COP1: variants seen among roughly 807,000 people sequenced by gnomAD.
The protein encoded by COP1 is E3 ubiquitin-protein ligase COP1.
Under a neutral mutation model 101.3 loss-of-function variants are expected in COP1, and 24 were observed. That is an observed-to-expected ratio of 0.24 (90% CI 0.17 to 0.33). The LOEUF is 0.33. Ranked by LOEUF, COP1 falls within the 10% of genes least tolerant of loss-of-function variation. COP1 has a pLI of 1.00. For missense variants in COP1, 663 were observed against 906.2 expected, an observed-to-expected ratio of 0.73 and a Z score of 3.45; for synonymous variants, 347 against 341.9, an observed-to-expected ratio of 1.01 and a Z score of -0.17.
At chr1:176,145,424 C>T (rs1311562813) in intron 6 of COP1, among the ~76,000 whole-genome samples, 1 of 152,050 alleles carries the variant, frequency 6.6e-6, no homozygotes, top group Non-Finnish European at 1.5e-5. Context: ...ACTAATACAA[C>T]TTGTTTTGAA....
intron 14 of COP1, among the ~76,000 whole-genome samples, chr1:176,031,708 T>G (rs577411358): frequency 6.7e-4 from 102 of 152,274 alleles, no homozygotes; most frequent in Non-Finnish European, 1.2e-3. Context: ...GGCCATAAAT[T>G]TGTTACTTAA....
At chr1:175,975,828 T>C (rs1015954360) in intron 18 of COP1, among the ~76,000 whole-genome samples, 2 of 152,208 alleles carry the variant, frequency 1.3e-5, no homozygotes, top group Admixed American at 1.3e-4. Context: ...ATAAAATAAA[T>C]GGTTTTCTCT....
intron 15 of COP1, among the ~76,000 whole-genome samples, chr1:176,015,164 T>C (rs1235330221): frequency 1.3e-5 from 2 of 152,016 alleles, no homozygotes; most frequent in African/African-American, 2.4e-5. Flanking sequence ...GAGAGCAGCA[T>C]GAAATAATGT....
chr1:176,070,689 T>C (rs1676840905), intron 11 of COP1, among the ~76,000 whole-genome samples: 1 of 152,092 alleles, frequency 6.6e-6, no homozygotes, highest in Admixed American at 6.6e-5. Flanking sequence ...AAAACCTCTG[T>C]CATCCAGACT....
chr1:175,993,493 T>C (rs1659224282), intron 15 of COP1, among the ~76,000 whole-genome samples: 1 of 152,054 alleles, frequency 6.6e-6, no homozygotes. Flanking sequence ...TTGAAAACTT[T>C]GAAAAAAATT....
chr1:176,167,877 C>T (rs1695375591), intron 3 of COP1, among the ~76,000 whole-genome samples: 1 of 152,096 alleles, frequency 6.6e-6, no homozygotes, highest in Non-Finnish European at 1.5e-5. Flanking sequence ...ATCTCACAAG[C>T]CTGCCATAAG....
intron 9 of COP1, among the ~76,000 whole-genome samples, chr1:176,089,827 A>C (rs1490462429): frequency 6.6e-6 from 1 of 152,236 alleles, no homozygotes; most frequent in Non-Finnish European, 1.5e-5. Flanking sequence ...CGACAAATAA[A>C]GAAGGAAATC....
chr1:176,195,217 A>G (rs1267682744), intron 1 of COP1, among the ~76,000 whole-genome samples: 2 of 152,106 alleles, frequency 1.3e-5, no homozygotes, highest in Non-Finnish European at 1.5e-5. Flanking sequence ...CTATATTAAC[A>G]TCAAAGTAGA....
chr1:176,116,509 C>T (rs1686208974), intron 9 of COP1, 115 bp downstream of exon 9: 1 of 769,572 alleles, frequency 1.3e-6, no homozygotes, highest in South Asian at 1.7e-5. Context: ...ATCAACACCA[C>T]TGCATTCAAA....
chr1:176,151,359 AAGAAAGAAAGAAAGAAAGAAAG>A (rs1692480576), intron 5 of COP1, among the ~76,000 whole-genome samples: 1 of 58,654 alleles, frequency 1.7e-5, no homozygotes, highest in Non-Finnish European at 4.7e-5. Context: ...AAGAAAAAGA[AAGAAAGAAAGAAAGAAAGAAAG>A]AAAGAAAGAA....
rs768471707 is a variant in COP1, at chr1:176,206,568, C to A, written c.407+4G>T. 2.1e-5 allele frequency: 34 copies of A among 1,606,060 alleles called. No individual in the cohort carries two copies. Among genetic ancestry groups the A allele is most frequent in the Non-Finnish European group, 2.8e-5 (33 of 1,178,604 alleles). ...GACAAGGAGGGAGTGCTCTTCAAAC[C>A]CACCATACGAAGTCGTTGCTTTTGT... On this transcript the variant is annotated splice_donor_region_variant and intron_variant, in intron 1 of 19. Transcript: ENST00000367669.
At chr1:175,988,244 C>T (rs1657582675) in intron 17 of COP1, 44 bp downstream of exon 17, 4 of 1,561,596 alleles carry the variant, frequency 2.6e-6, no homozygotes, top group Non-Finnish European at 2.6e-6. Context: ...ATTTCAATAA[C>T]AAACACCTGT....
chr1:176,020,837 T>G (rs1666639086), intron 15 of COP1, among the ~76,000 whole-genome samples: 2 of 152,236 alleles, frequency 1.3e-5, no homozygotes, highest in Non-Finnish European at 1.5e-5. Context: ...ATCACTATAT[T>G]ACTGTAATGA....
chr1:176,031,153 G>C (rs886585851), intron 14 of COP1, among the ~76,000 whole-genome samples: 3 of 152,182 alleles, frequency 2.0e-5, no homozygotes, highest in African/African-American at 7.2e-5. Flanking sequence ...AGTACTATGA[G>C]AGAACAAATT....
chr1:175,955,431 A>G (rs1239116003), intron 18 of COP1, among the ~76,000 whole-genome samples: 1 of 152,128 alleles, frequency 6.6e-6, no homozygotes, highest in Non-Finnish European at 1.5e-5. Flanking sequence ...CAGACTAGGA[A>G]CAAGGTGAAC....
intron 15 of COP1, among the ~76,000 whole-genome samples, chr1:176,007,640 C>A (rs1222342747): frequency 6.6e-6 from 1 of 151,762 alleles, no homozygotes; most frequent in African/African-American, 2.4e-5. Flanking sequence ...GGGGGTGTCT[C>A]CCAGTTAGGC....
chr1:176,171,418 T>C (rs535481597), intron 3 of COP1, among the ~76,000 whole-genome samples: 6 of 152,364 alleles, frequency 3.9e-5, no homozygotes, highest in Non-Finnish European at 5.9e-5. Flanking sequence ...GATAAGACTT[T>C]GGCTTAAGGG....
intron 9 of COP1, among the ~76,000 whole-genome samples, chr1:176,110,863 G>T (rs1253242166): frequency 6.6e-6 from 1 of 152,090 alleles, no homozygotes; most frequent in African/African-American, 2.4e-5. Flanking sequence ...AATAGTAATA[G>T]AATTTATCAG....
chr1:176,201,956 A>G (rs1700305244), intron 1 of COP1, among the ~76,000 whole-genome samples: 1 of 152,230 alleles, frequency 6.6e-6, no homozygotes, highest in Non-Finnish European at 1.5e-5. Context: ...ACATGCTTTT[A>G]ACAGCTCTTT....
Sources: gnomAD v4.1 joint callset for allele counts (sites outside exome capture counted in the v4.1 genomes callset) on GRCh38, gnomAD v4.1.1 for gene constraint, MANE v1.5 for transcripts, NCBI Gene and HGNC (gene_info 2026-07-23, HGNC 2026-07-21) for gene names.